The following SLC22A3 variants were observed in gnomAD, a reference collection of about 807,000 sequenced individuals.
SLC22A3 encodes solute carrier family 22 member 3, also known as EMT organic cation transporter 3.
Under a neutral mutation model 59.1 loss-of-function variants are expected in SLC22A3, and 51 were observed. That is an observed-to-expected ratio of 0.86 (90% CI 0.69 to 1.09). The LOEUF (loss-of-function observed/expected upper bound fraction) is 1.09. SLC22A3 is among the 50% of genes least tolerant of loss of function. The pLI, the probability that SLC22A3 is intolerant of heterozygous loss-of-function variation, is 0.00. For synonymous variants in SLC22A3, 325 were observed against 292.0 expected (o/e 1.11, Z -1.15); for missense variants, 711 against 726.3 (o/e 0.98, Z 0.24).
At chr6:160,444,294 A>G (rs1193531477) in intron 9 of SLC22A3, among the ~76,000 whole-genome samples, 12 of 152,208 alleles carry the variant, frequency 7.9e-5, no homozygotes, top group African/African-American at 2.9e-4. Flanking sequence ...TCAAGGCTGC[A>G]GTGAGCTATG....
intron 1 of SLC22A3, among the ~76,000 whole-genome samples, chr6:160,371,240 T>C (rs1285751761): frequency 6.6e-6 from 1 of 152,200 alleles, no homozygotes; most frequent in Non-Finnish European, 1.5e-5. Flanking sequence ...CATGCAGGTC[T>C]GTTACATAGG....
chr6:160,363,483 T>C (rs1470559570), intron 1 of SLC22A3, among the ~76,000 whole-genome samples: 2 of 151,968 alleles, frequency 1.3e-5, no homozygotes, highest in Non-Finnish European at 2.9e-5. Context: ...CAGGCTCCGG[T>C]TGTCACCCCT....
intron 10 of SLC22A3, 114 bp downstream of exon 10, chr6:160,447,932 C>A (rs1413627617): frequency 1.0e-5 from 9 of 867,456 alleles, no homozygotes; most frequent in Non-Finnish European, 1.7e-5. Flanking sequence ...AATAAATCCT[C>A]ATCTCATATT....
chr6:160,421,260 T>G (rs955312035), intron 5 of SLC22A3, among the ~76,000 whole-genome samples: 3 of 152,264 alleles, frequency 2.0e-5, no homozygotes, highest in Middle Eastern at 6.8e-3. Flanking sequence ...AGCCTCTCCA[T>G]GTGGAGGAAC....
At chr6:160,361,936 G>A (rs1482069943) in intron 1 of SLC22A3, among the ~76,000 whole-genome samples, 1 of 152,220 alleles carries the variant, frequency 6.6e-6, no homozygotes, top group Non-Finnish European at 1.5e-5. Flanking sequence ...GTCAGTTTCT[G>A]TGTGGTAACT....
At chr6:160,420,847 C>T (rs891907811) in intron 5 of SLC22A3, among the ~76,000 whole-genome samples, 6 of 152,216 alleles carry the variant, frequency 3.9e-5, no homozygotes, top group Non-Finnish European at 8.8e-5. Context: ...ACGGGATTCC[C>T]GCCTGGCTGG....
chr6:160,388,726 T>C (rs1786124055), intron 1 of SLC22A3, among the ~76,000 whole-genome samples: 1 of 152,268 alleles, frequency 6.6e-6, no homozygotes, highest in South Asian at 2.1e-4. Flanking sequence ...GACTGTTCTA[T>C]ACACCACCTT....
intron 1 of SLC22A3, among the ~76,000 whole-genome samples, chr6:160,375,384 A>C (rs979301423): frequency 2.0e-5 from 3 of 152,228 alleles, no homozygotes; most frequent in Admixed American, 1.3e-4. Context: ...TTTGCAAAGC[A>C]AACATAATTT....
chr6:160,382,495 G>C (rs1785833811), intron 1 of SLC22A3, among the ~76,000 whole-genome samples: 1 of 152,202 alleles, frequency 6.6e-6, no homozygotes, highest in South Asian at 2.1e-4. Flanking sequence ...CTTGTAGTTT[G>C]AGTCCAGGTC....
rs1220606233 is a variant in SLC22A3, at chr6:160,407,176, G to T, written c.669G>T (p.Trp223Cys). The T allele has an allele frequency of 1.2e-6, 2 of 1,610,572 alleles. No individual in the cohort carries two copies. The highest frequency in any genetic ancestry group is 1.7e-6 in the Non-Finnish European group (2 of 1,178,294). Reference protein sequence around the residue: ...FLQGVFGKGTWMTCYVIVTEI... With the variant: ...FLQGVFGKGTCMTCYVIVTEI... ...AAGGTGTATTTGGAAAGGGGACGTG[G>T]ATGACTTGCTACGTGATTGGTAAGA... is the stretch of plus-strand genomic sequence containing the variant. Residue 223 changes from tryptophan to cysteine, a missense_variant, in exon 3 of 11, where the codon TGG (tryptophan) becomes TGT (cysteine). Transcript: ENST00000275300.
intron 1 of SLC22A3, among the ~76,000 whole-genome samples, chr6:160,392,590 T>C (rs967911714): frequency 2.0e-5 from 3 of 152,238 alleles, no homozygotes; most frequent in Non-Finnish European, 4.4e-5. Flanking sequence ...AATTACTCTT[T>C]ATACCTGTAG....
chr6:160,385,137 T>C lies in SLC22A3; in HGVS notation c.430-12842T>C, dbSNP rs2665351. Among the ~76,000 whole-genome samples the C allele has an allele frequency of 5.2e-3, 799 of 152,380 alleles. 12 individuals carry two copies. In the East Asian group the frequency reaches 0.062, roughly 12 times the overall value. ...CTCATTTTGTCAATGCAGCAGACTC[T>C]TGTGTCTCACTGAAAGCATGAATTC... is the stretch of plus-strand genomic sequence containing the variant. On this transcript the variant is annotated intron_variant, in intron 1 of 10. Transcript: ENST00000275300.
chr6:160,387,960 G>T (rs930273435), intron 1 of SLC22A3, among the ~76,000 whole-genome samples: 1 of 152,134 alleles, frequency 6.6e-6, no homozygotes, highest in African/African-American at 2.4e-5. Context: ...GAAAATGGGG[G>T]TCTCAGTCCC....
chr6:160,349,655 C>T (rs1784597094), intron 1 of SLC22A3, among the ~76,000 whole-genome samples: 1 of 152,140 alleles, frequency 6.6e-6, no homozygotes. Context: ...CACCCTTGCC[C>T]TCAGTAATCT....
At chr6:160,379,162 G>A (rs1583460262) in intron 1 of SLC22A3, among the ~76,000 whole-genome samples, 2 of 152,294 alleles carry the variant, frequency 1.3e-5, no homozygotes, top group East Asian at 3.9e-4. Context: ...GGCAAGGAGG[G>A]AGAGTTGTCC....
intron 1 of SLC22A3, among the ~76,000 whole-genome samples, chr6:160,383,535 T>G (rs1216186839): frequency 1.4e-5 from 2 of 142,738 alleles, no homozygotes; most frequent in African/African-American, 5.0e-5. Flanking sequence ...ATTCTATACA[T>G]AGAATTTCTT....
At chr6:160,427,304 C>A (rs1009675472) in intron 5 of SLC22A3, among the ~76,000 whole-genome samples, 16 of 152,234 alleles carry the variant, frequency 1.1e-4, no homozygotes, top group Admixed American at 9.2e-4. Context: ...GCTACTGGCT[C>A]TTTGAGAATG....
intron 1 of SLC22A3, among the ~76,000 whole-genome samples, chr6:160,367,107 A>T (rs1785231979): frequency 6.6e-6 from 1 of 152,202 alleles, no homozygotes; most frequent in African/African-American, 2.4e-5. Context: ...GCTAATAAAG[A>T]TATAACCAAT....
intron 2 of SLC22A3, among the ~76,000 whole-genome samples, chr6:160,398,878 A>G (rs1053817931): frequency 6.6e-6 from 1 of 151,764 alleles, no homozygotes; most frequent in African/African-American, 2.4e-5. Context: ...TCCATCTCTG[A>G]CTCATGGCCA....
Sources: gnomAD v4.1 joint callset for allele counts (sites outside exome capture counted in the v4.1 genomes callset) on GRCh38, gnomAD v4.1.1 for gene constraint, MANE v1.5 for transcripts, NCBI Gene and HGNC (gene_info 2026-07-23, HGNC 2026-07-21) for gene names.